ZNF695: variants seen among roughly 807,000 people sequenced by gnomAD.
ZNF695 encodes the protein zinc finger protein 695.
Under a neutral mutation model 11.2 loss-of-function variants are expected in ZNF695, and 11 were observed. The observed-to-expected ratio is 0.98, with a 90% confidence interval of 0.62 to 1.62. The LOEUF (loss-of-function observed/expected upper bound fraction) is 1.62. Ranked by LOEUF, ZNF695 falls within the 40% of genes most tolerant of loss-of-function variation. The pLI, the probability that ZNF695 is intolerant of heterozygous loss-of-function variation, is 0.00. For synonymous variants in ZNF695, 190 were observed against 201.4 expected (o/e 0.94, Z 0.48); for missense variants, 559 against 590.5 (o/e 0.95, Z 0.55).
downstream of ZNF695, among the ~76,000 whole-genome samples, chr1:246,984,334 GA>G (rs1483376246): frequency 8.4e-5 from 12 of 143,146 alleles, no homozygotes; most frequent in Non-Finnish European, 1.5e-4. Context: ...TAGTTGAGAA[GA>G]AAGAAAAAGA....
chr1:246,954,499 A>G (rs1352089275), intron 5 of ZNF695, among the ~76,000 whole-genome samples: 1 of 152,228 alleles, frequency 6.6e-6, no homozygotes, highest in East Asian at 1.9e-4. Context: ...CTATTATTTC[A>G]GCTCTCACAA....
intron 1 of ZNF695, among the ~76,000 whole-genome samples, chr1:247,004,291 G>C (rs910429824): frequency 2.0e-5 from 3 of 152,074 alleles, no homozygotes; most frequent in Non-Finnish European, 4.4e-5. Flanking sequence ...TTCAACATAT[G>C]TAAATCAACC....
intron 4 of ZNF695, among the ~76,000 whole-genome samples, chr1:246,973,063 T>TATA (rs760265521): frequency 4.0e-5 from 6 of 149,508 alleles, no homozygotes; most frequent in Non-Finnish European, 7.4e-5. Context: ...TATATATATA[T>TATA]TTTGAGACGG....
At position 246,974,458 on chromosome 1, in the gene ZNF695, C is replaced by T. The variant is rs968591864; in HGVS notation, c.391-6666G>A. On this transcript the variant is annotated intron_variant, in intron 4 of 5. Coordinates refer to the ZNF695 transcript ENST00000487338. ...ACAAGAGAGGCAAAGATCAAAAGTACTAGAAGAGTTCTAGAGATTTGTGGA... is the reference window on the plus strand; with the variant it reads ...ACAAGAGAGGCAAAGATCAAAAGTATTAGAAGAGTTCTAGAGATTTGTGGA... Among the ~76,000 whole-genome samples the T allele has an allele frequency of 3.9e-5, 6 of 152,146 alleles. No individual in the cohort carries two copies. The South Asian group carries it at 6.2e-4, about 16-fold the overall frequency.
chr1:246,972,663 A>G (rs942941329), intron 4 of ZNF695, among the ~76,000 whole-genome samples: 6 of 151,528 alleles, frequency 4.0e-5, no homozygotes, highest in African/African-American at 1.5e-4. Context: ...GGGATTACAG[A>G]CACCTGCCAC....
intron 5 of ZNF695, among the ~76,000 whole-genome samples, chr1:246,964,819 T>A (rs898042911): frequency 1.3e-5 from 2 of 152,014 alleles, no homozygotes; most frequent in African/African-American, 4.8e-5. Flanking sequence ...TGCAGTGAGC[T>A]GAGATCGCGG....
At chr1:246,969,108 C>CA (rs1481876451) in intron 4 of ZNF695, 1 of 152,212 alleles carries the variant, frequency 6.6e-6, no homozygotes, top group Non-Finnish European at 1.5e-5. Flanking sequence ...TTTTCTAATA[C>CA]ATGGCTAGGC....
intron 4 of ZNF695, among the ~76,000 whole-genome samples, chr1:246,976,989 CAT>C (rs1163446930): frequency 6.6e-6 from 1 of 152,158 alleles, no homozygotes; most frequent in African/African-American, 2.4e-5. Context: ...GGCAGGGACA[CAT>C]ATCCAAACTA....
intron 5 of ZNF695, among the ~76,000 whole-genome samples, chr1:246,957,570 T>A (rs1192685121): frequency 1.3e-5 from 2 of 152,190 alleles, no homozygotes; most frequent in Non-Finnish European, 1.5e-5. Context: ...ATAAAATATT[T>A]TAAAATTCAA....
chr1:247,000,933 T>A (rs1382988631), intron 1 of ZNF695, among the ~76,000 whole-genome samples: 1 of 152,108 alleles, frequency 6.6e-6, no homozygotes, highest in Non-Finnish European at 1.5e-5. Flanking sequence ...GGCTCACACA[T>A]ATCAACTCCA....
At chr1:246,997,942 AAATAAATAAG>A (rs1470618487) in intron 3 of ZNF695, among the ~76,000 whole-genome samples, 2 of 152,238 alleles carry the variant, frequency 1.3e-5, no homozygotes, top group African/African-American at 4.8e-5. Context: ...TTCAGTTATA[AAATAAATAAG>A]CTTTGGAAAT....
At chr1:247,004,757 C>T (rs184559356) in intron 1 of ZNF695, among the ~76,000 whole-genome samples, 99 of 152,160 alleles carry the variant, frequency 6.5e-4, no homozygotes, top group African/African-American at 2.3e-3. Context: ...TACTAACATA[C>T]GATAATCAGT....
intron 3 of ZNF695, among the ~76,000 whole-genome samples, chr1:246,998,932 C>A (rs1412397067): frequency 6.6e-6 from 1 of 151,662 alleles, no homozygotes; most frequent in East Asian, 1.9e-4. Flanking sequence ...TGTGCCACTG[C>A]ACTCCAGCCT....
intron 5 of ZNF695, among the ~76,000 whole-genome samples, chr1:246,961,846 G>C (rs1260444208): frequency 6.6e-6 from 1 of 152,128 alleles, no homozygotes; most frequent in Non-Finnish European, 1.5e-5. Flanking sequence ...TGTTCACCAG[G>C]CTGCTTAGCA....
At chr1:246,998,721 A>G (rs1353392801) in intron 3 of ZNF695, among the ~76,000 whole-genome samples, 2 of 152,218 alleles carry the variant, frequency 1.3e-5, no homozygotes, top group Non-Finnish European at 2.9e-5. Flanking sequence ...TAATCCCGGC[A>G]CTTTGGGAGG....
At chr1:246,952,549 CTTTTT>C (rs11326820) in intron 5 of ZNF695, among the ~76,000 whole-genome samples, 2 of 137,368 alleles carry the variant, frequency 1.5e-5, no homozygotes, top group African/African-American at 2.8e-5. Flanking sequence ...TCTTCTTCTT[CTTTTT>C]TTTTTTTTTT....
intron 4 of ZNF695, among the ~76,000 whole-genome samples, chr1:246,970,560 A>T (rs1227541576): frequency 6.6e-6 from 1 of 152,222 alleles, no homozygotes; most frequent in Non-Finnish European, 1.5e-5. Flanking sequence ...CATGAATACT[A>T]ATCTGGCATG....
chr1:246,989,829 G>A (rs1668973587), intron 3 of ZNF695, among the ~76,000 whole-genome samples: 1 of 152,062 alleles, frequency 6.6e-6, no homozygotes, highest in Non-Finnish European at 1.5e-5. Flanking sequence ...ACCAGCCTAG[G>A]CAACATGGTG....
intron 5 of ZNF695, among the ~76,000 whole-genome samples, chr1:246,949,973 T>C (rs1211570391): frequency 6.6e-6 from 1 of 152,208 alleles, no homozygotes; most frequent in African/African-American, 2.4e-5. Flanking sequence ...TTTATTATCT[T>C]ATGCCACAGA....
Sources: allele counts gnomAD v4.1 joint callset (sites outside exome capture counted in the v4.1 genomes callset), GRCh38; gene constraint gnomAD v4.1.1; transcripts MANE v1.5; gene names NCBI Gene and HGNC (gene_info 2026-07-23, HGNC 2026-07-21).